PAX7: variants seen among roughly 807,000 people sequenced by gnomAD.
PAX7 encodes paired box 7.
PAX7 carries 18 observed loss-of-function variants against 50.7 expected under a neutral mutation model. That is an observed-to-expected ratio of 0.36 (90% CI 0.25 to 0.53). PAX7 has a LOEUF of 0.53. Ranked by LOEUF, PAX7 falls within the 20% of genes least tolerant of loss-of-function variation. The pLI is 0.93. For missense variants in PAX7, 644 were observed against 702.9 expected (o/e 0.92, Z 0.95); for synonymous variants, 310 against 290.4 (o/e 1.07, Z -0.69).
chr1:18,654,181 G>A (rs142108059), intron 4 of PAX7, among the ~76,000 whole-genome samples: 2,546 of 152,198 alleles, frequency 0.017, 30 homozygotes, highest in Non-Finnish European at 0.023. Context: ...GCTCTGGCTC[G>A]AATGCAGTGA....
chr1:18,694,227 C>T lies in PAX7; in HGVS notation c.786+2274C>T, dbSNP rs1032654873. Among the ~76,000 whole-genome samples the T allele has an allele frequency of 8.6e-5, 13 of 152,016 alleles. 1 individual carries two copies. Among genetic ancestry groups the T allele is most frequent in the Admixed American group, 7.9e-4 (12 of 15,250 alleles). On this transcript the variant is annotated intron_variant, in intron 5 of 8. Transcript: ENST00000420770. ...CTGTAATCCCAGCCCTTTGGGAGGC[C>T]GAGGCAGGTGGATCACCTGAGGTCG...
chr1:18,668,605 A>C (rs545353637), intron 4 of PAX7, among the ~76,000 whole-genome samples: 5 of 152,122 alleles, frequency 3.3e-5, no homozygotes, highest in African/African-American at 1.2e-4. Context: ...TCAGGAGGCT[A>C]AGGTGGGAGG....
At chr1:18,717,295 C>G (rs1045027394) in intron 7 of PAX7, among the ~76,000 whole-genome samples, 1 of 152,158 alleles carries the variant, frequency 6.6e-6, no homozygotes, top group Non-Finnish European at 1.5e-5. Context: ...GGGCCTCGGC[C>G]GTCTCGGGAC....
chr1:18,696,677 T>C (rs1570185078), intron 5 of PAX7, among the ~76,000 whole-genome samples: 1 of 152,136 alleles, frequency 6.6e-6, no homozygotes, highest in Non-Finnish European at 1.5e-5. Flanking sequence ...TTCTCATTTA[T>C]TTGTGAGAGC....
At chr1:18,723,985 C>G (rs1351176687) in intron 7 of PAX7, among the ~76,000 whole-genome samples, 1 of 152,108 alleles carries the variant, frequency 6.6e-6, no homozygotes, top group African/African-American at 2.4e-5. Context: ...GATATTAACG[C>G]TGTCAAGAGC....
intron 4 of PAX7, among the ~76,000 whole-genome samples, chr1:18,651,896 GCTTTACCTGCCTGC>G (rs1242357833): frequency 3.3e-5 from 5 of 150,730 alleles, no homozygotes; most frequent in African/African-American, 1.2e-4. Context: ...GGCAGGCTGG[GCTTTACCTGCCTGC>G]CTTGGAGAAA....
intron 3 of PAX7, among the ~76,000 whole-genome samples, chr1:18,635,495 AAGGAAGGAAGGAAGGT>A (rs1557499902): frequency 2.6e-5 from 3 of 114,914 alleles, no homozygotes; most frequent in South Asian, 2.7e-4. Context: ...AGGGAGGAAG[AAGGAAGGAAGGAAGGT>A]AGGAAGGAAG....
At chr1:18,717,021 C>T (rs1051692461) in intron 7 of PAX7, among the ~76,000 whole-genome samples, 16 of 151,662 alleles carry the variant, frequency 1.1e-4, no homozygotes, top group African/African-American at 3.9e-4. Context: ...TCCGCGCGGC[C>T]GCCCCTCCCC....
At chr1:18,717,754 T>C (rs2089445647) in intron 7 of PAX7, among the ~76,000 whole-genome samples, 1 of 151,752 alleles carries the variant, frequency 6.6e-6, no homozygotes, top group African/African-American at 2.4e-5. Context: ...CTCCTGAGGG[T>C]CTATTTTGTG....
At chr1:18,653,844 G>T (rs568568166) in intron 4 of PAX7, among the ~76,000 whole-genome samples, 2 of 152,042 alleles carry the variant, frequency 1.3e-5, no homozygotes, top group African/African-American at 4.8e-5. Flanking sequence ...CCCCAGGAAA[G>T]GTTTTAGTAA....
chr1:18,720,166 G>A (rs1477309558), intron 7 of PAX7, among the ~76,000 whole-genome samples: 1 of 152,218 alleles, frequency 6.6e-6, no homozygotes, highest in Non-Finnish European at 1.5e-5. Flanking sequence ...CCAAGGCTCT[G>A]CGTGCCTGCG....
rs540025584 is a variant in PAX7 at position 18,686,313 on chromosome 1, G to A, written c.587-5441G>A. On this transcript the variant is annotated intron_variant, in intron 4 of 8. Transcript: ENST00000420770. ...ACTAGAGACAGGATCCAGGAACTCA[G>A]AGAAAGCATCTCTCCCTGTATCCTT... is the stretch of plus-strand genomic sequence containing the variant. 2.6e-5 allele frequency among the ~76,000 whole-genome samples: 4 copies of A among 152,342 alleles called. No individual in the cohort carries two copies. In the South Asian group the frequency reaches 8.3e-4, roughly 32 times the overall value.
Position 18,636,267 on chromosome 1 carries a change from G to A in PAX7, c.482G>A (p.Arg161Lys), listed in dbSNP as rs1408550482. 1 of 1,614,190 alleles carries A rather than the reference G, an allele frequency of 6.2e-7. No individual in the cohort carries two copies. Among genetic ancestry groups the A allele is most frequent in the East Asian group, 2.2e-5 (1 of 44,882 alleles). ...GTGAGTTCGATTAGCCGCGTGCTCA[G>A]AATCAAGTTCGGGAAGAAAGAGGAG... ...GLVSSISRVL[R>K]IKFGKKEEED... The change falls in exon 4 of 9, where the codon AGA becomes AAA. Residue 161 changes from arginine (R) to lysine (K), a missense_variant. Physicochemically the swap from Arg to Lys is conservative, Grantham distance 26. Transcript: ENST00000420770. This position sits in a 1 kb window ranked among gnomAD's most constrained non-coding sequence, Gnocchi z 5.1.
At chr1:18,676,057 C>G (rs557584744) in intron 4 of PAX7, among the ~76,000 whole-genome samples, 2 of 152,192 alleles carry the variant, frequency 1.3e-5, no homozygotes, top group African/African-American at 2.4e-5. Context: ...TAAGCCACCT[C>G]GCCCAGCTTC....
chr1:18,723,214 C>A (rs909587901), intron 7 of PAX7, among the ~76,000 whole-genome samples: 1 of 152,188 alleles, frequency 6.6e-6, no homozygotes, highest in African/African-American at 2.4e-5. Context: ...TCTTCAAACA[C>A]CCGGGATAAT....
Position 18,744,794 on chromosome 1 carries a change from G to C in PAX7, c.1403-20G>C, listed in dbSNP as rs1412926138. ...ACAAAAAGAACCTCAATTTCTAGGA[G>C]AGTCTCTTCTTTTTTCCAGCTGCTG... On this transcript the variant is annotated intron_variant, in intron 8 of 8. Transcript: ENST00000420770. The C allele has an allele frequency of 2.1e-6, 3 of 1,432,378 alleles. No individual in the cohort carries two copies. Among genetic ancestry groups the C allele is most frequent in the East Asian group, 5.0e-5 (2 of 40,338 alleles). 88.7% of individuals were successfully genotyped at this position (1,432,378 alleles called of 1,614,324 possible).
chr1:18,739,171 T>G (rs761958347), intron 8 of PAX7, among the ~76,000 whole-genome samples: 8 of 152,220 alleles, frequency 5.3e-5, no homozygotes, highest in Non-Finnish European at 1.2e-4. Context: ...AGGTTGCAGG[T>G]GCAAAAACGA....
chr1:18,654,744 T>A (rs187374173), intron 4 of PAX7, among the ~76,000 whole-genome samples: 36 of 152,388 alleles, frequency 2.4e-4, no homozygotes, highest in Non-Finnish European at 4.6e-4. Flanking sequence ...TACCATGAGC[T>A]AGACACAGCT....
chr1:18,664,775 C>T (rs1328535067), intron 4 of PAX7, among the ~76,000 whole-genome samples: 3 of 152,076 alleles, frequency 2.0e-5, no homozygotes, highest in African/African-American at 4.8e-5. Flanking sequence ...AGGCTAGGAG[C>T]TCCCTGTTGT....
Sources: allele counts gnomAD v4.1 joint callset (sites outside exome capture counted in the v4.1 genomes callset), GRCh38; gene constraint gnomAD v4.1.1; non-coding constraint Gnocchi (gnomAD v3.1); transcripts MANE v1.5; gene names NCBI Gene and HGNC (gene_info 2026-07-23, HGNC 2026-07-21).